MUC3A: variants seen among roughly 807,000 people sequenced by gnomAD.
MUC3A encodes the protein mucin-3A.
Under a neutral mutation model 109.0 loss-of-function variants are expected in MUC3A, and 109 were observed. The ratio of observed to expected loss-of-function variants is 1.00; its 90% CI spans 0.86 to 1.17. The LOEUF is 1.17. MUC3A is among the 50% of genes most tolerant of loss of function. The pLI is 0.00. For synonymous variants in MUC3A, 1,398 were observed against 981.4 expected (o/e 1.42, Z -7.93); for missense variants, 3,537 against 2,469.4 (o/e 1.43, Z -9.16).
intron 6 of MUC3A, 61 bp downstream of exon 6, chr7:100,964,904 C>A (rs1329847306): frequency 2.6e-6 from 4 of 1,533,928 alleles, no homozygotes; most frequent in Non-Finnish European, 3.5e-6. Context: ...CACTCCAGCT[C>A]AGCCAGGGGG....
chr7:100,963,651 G>C, intron 4 of MUC3A, 37 bp from the exon 5 acceptor site: 1 of 1,598,360 alleles, frequency 6.3e-7, no homozygotes, highest in Non-Finnish European at 8.5e-7. Context: ...CAGGTCTGCA[G>C]GTTCGGACGT....
rs74747639 is a variant in MUC3A at position 100,965,060 on chromosome 7, G to T, written c.9382+217G>T. The stretch of plus-strand genomic sequence containing the variant: ...GGAAAGAGACCCCCTGATTGTCATG[G>T]TCAGCATTTCCCGGATGGCTGAAGA... On this transcript the variant is annotated intron_variant, in intron 6 of 11. Coordinates refer to ENST00000379458, the MANE Select transcript of MUC3A (RefSeq NM_005960.2). 22 of 1,028,450 alleles carry T rather than the reference G, an allele frequency of 2.1e-5. No individual in the cohort carries two copies. In the South Asian group the frequency reaches 3.8e-4, roughly 18 times the overall value. The allele number at this position is 1,028,450 out of a possible 1,614,324, so 63.7% of individuals were successfully genotyped here.
Position 100,966,512 on chromosome 7 carries a change from C to T in MUC3A, c.9738C>T (p.Gly3246=), listed in dbSNP as rs587596181. The T allele has an allele frequency of 1.5e-6, 2 of 1,302,294 alleles. No homozygotes were observed. The highest frequency in any genetic ancestry group is 1.9e-6 in the Non-Finnish European group (2 of 1,034,894). 80.7% of individuals were successfully genotyped at this position (1,302,294 alleles called of 1,614,324 possible). ...ALLVLLLLAL[G]VRAVRSGWWG... is the part of the protein sequence containing the mutation. Reference sequence around the variant, plus strand: ...TGGTGCTGCTGCTGCTGGCGCTGGGCGTCCGGGCGGTGCGCTCCGGATGGT... The same window carrying T: ...TGGTGCTGCTGCTGCTGGCGCTGGGTGTCCGGGCGGTGCGCTCCGGATGGT... The change falls in exon 9 of 12, where the codon GGC becomes GGT. Residue 3246 remains glycine (G), a synonymous_variant. Coordinates refer to ENST00000379458, the MANE Select transcript of MUC3A (RefSeq NM_005960.2).
chr7:100,951,501 A>G (rs1428824687), intron 1 of MUC3A, among the ~76,000 whole-genome samples: 1 of 151,062 alleles, frequency 6.6e-6, no homozygotes, highest in East Asian at 1.9e-4. Flanking sequence ...GGGCAGAGGG[A>G]GGAGGAGCCT....
rs764152419 is a variant in MUC3A, at chr7:100,960,298, C to A, written c.8519C>A (p.Ser2840Tyr). Residue 2840 changes from serine to tyrosine, a missense_variant, in exon 2 of 12, where the codon TCC becomes TAC. Physicochemically the swap from Ser to Tyr is moderately radical, Grantham distance 144. Coordinates refer to ENST00000379458, the MANE Select transcript of MUC3A (RefSeq NM_005960.2). ...TCTTCCATGATGCCAGAAAGTGAGT[C>A]CAGCATCTCACCCAATGCTTCCAGT... ...DTSSMMPESESSISPNASSST... is the reference protein window; with the variant it reads ...DTSSMMPESEYSISPNASSST... 6.3e-7 allele frequency: 1 copy of A among 1,598,556 alleles called. No individual in the cohort carries two copies. The highest frequency in any genetic ancestry group is 8.5e-7 in the Non-Finnish European group (1 of 1,179,830).
In MUC3A at chr7:100,960,816, G is replaced by T. The variant is rs763537972; in HGVS notation, c.8931G>T (p.Gly2977=). ...GQCACLPGFS[G]DRCQLQTRCQ... ...GTGCTTGCCTTCCGGGGTTTTCTGG[G>T]GACCGCTGTCAGCTCCAGACCAGAT... Residue 2977 remains glycine, a synonymous_variant, in exon 3 of 12, where the codon GGG becomes GGT. Coordinates refer to ENST00000379458, the MANE Select transcript of MUC3A (RefSeq NM_005960.2). 7 of 1,598,512 alleles carry T rather than the reference G, an allele frequency of 4.4e-6. No individual in the cohort carries two copies. In the Admixed American group the frequency reaches 1.2e-4, roughly 27 times the overall value.
chr7:100,964,762 G>A lies in MUC3A; in HGVS notation c.9301G>A (p.Glu3101Lys), dbSNP rs587709071. 1.9e-5 allele frequency: 30 copies of A among 1,598,458 alleles called. No homozygotes were observed. In the East Asian group the frequency reaches 2.0e-4, roughly 11 times the overall value. ...EMPFSPQLES[E>K]YEQVKTTLKE... ...GCCCTTCAGCCCCCAGCTGGAGAGC[G>A]AGTATGAGCAGGTGAAGACCACGCT... Residue 3101 changes from glutamate to lysine, a missense_variant, in exon 6 of 12, where the codon GAG becomes AAG. By Grantham distance (56) the Glu-to-Lys change is moderately conservative. Coordinates refer to ENST00000379458, the MANE Select transcript of MUC3A (RefSeq NM_005960.2).
rs1360309561 is a variant in MUC3A at position 100,957,501 on chromosome 7, A to G, written c.5722A>G (p.Thr1908Ala). 1.4e-5 allele frequency: 21 copies of G among 1,549,548 alleles called. No homozygotes were observed. The African/African-American group carries it at 2.1e-4, about 15-fold the overall frequency. Residue 1908 changes from threonine to alanine, a missense_variant, in exon 2 of 12, where the codon ACT becomes GCT. Transcript: ENST00000379458. ...CACCTCACACAGTACTCCTAGCTTC[A>G]CTTCTTCAATCGCAACCACCGAGAC... Reference protein sequence around the residue: ...KITSHSTPSFTSSIATTETPS... With the variant: ...KITSHSTPSFASSIATTETPS...
intron 5 of MUC3A, chr7:100,964,077 G>T: frequency 2.0e-6 from 1 of 499,046 alleles, no homozygotes; most frequent in South Asian, 2.4e-5. Context: ...GAGAGAGAGA[G>T]AAAGAGAGAG....
At chr7:100,967,059 G>A (rs1479903396) in intron 11 of MUC3A, 62 bp from the exon 12 acceptor site, 2 of 1,598,366 alleles carry the variant, frequency 1.3e-6, no homozygotes, top group African/African-American at 2.7e-5. Context: ...GATCAGCAGT[G>A]ACCTCCCTGT....
rs1792229180 is a variant in MUC3A at position 100,959,278 on chromosome 7, G to C, written c.7499G>C (p.Ser2500Thr). 1 of 1,590,414 alleles carries C rather than the reference G, an allele frequency of 6.3e-7. No homozygotes were observed. ...RTLTPSSVGT[S>T]TSLTTTTDFP... ...CTCACCCCTTCGTCTGTGGGCACCA[G>C]CACTTCATTGACTACAACCACAGAC... is the stretch of plus-strand genomic sequence containing the variant. Residue 2500 changes from serine to threonine, a missense_variant, in exon 2 of 12, where the codon AGC becomes ACC. Ser to Thr is a moderately conservative substitution (Grantham distance 58). Coordinates refer to ENST00000379458, the MANE Select transcript of MUC3A (RefSeq NM_005960.2).
intron 6 of MUC3A, 139 bp from the exon 7 acceptor site, chr7:100,965,143 T>C (rs1792482807): frequency 1.2e-5 from 14 of 1,213,488 alleles, no homozygotes; most frequent in African/African-American, 7.1e-5. Flanking sequence ...TGTGGCTCTC[T>C]CCGTCTGGGA....
chr7:100,964,432 C>T (rs1276923214), intron 5 of MUC3A: 20 of 518,072 alleles, frequency 3.9e-5, no homozygotes, highest in Non-Finnish European at 1.9e-5. Context: ...TGCACTCCAG[C>T]CTGGGTGACA....
In MUC3A at chr7:100,967,553, C is replaced by T. The variant is rs1481198451; in HGVS notation, c.*391C>T. ...GTTGCCATTGCCTCTCTCGGATCCT[C>T]CAATCCTCACGTCCTTCACCTGGTC... On this transcript the variant is annotated 3_prime_UTR_variant, in exon 12 of 12. Coordinates refer to ENST00000379458, the MANE Select transcript of MUC3A (RefSeq NM_005960.2). 1.1e-5 allele frequency: 5 copies of T among 454,200 alleles called. No homozygotes were observed. The highest frequency in any genetic ancestry group is 7.9e-5 in the African/African-American group (4 of 50,910). 28.1% of individuals were successfully genotyped at this position (454,200 alleles called of 1,614,324 possible).
chr7:100,965,894 G>A (rs748433050), intron 8 of MUC3A, 28 bp downstream of exon 8: 4 of 1,570,160 alleles, frequency 2.5e-6, no homozygotes, highest in East Asian at 2.3e-5. Context: ...ATCGGCATCA[G>A]CCGAGCCCCT....
Position 100,956,637 on chromosome 7 carries a change from C to T in MUC3A, c.4858C>T (p.Gln1620Ter). The T allele has an allele frequency of 2.4e-6, 1 of 417,514 alleles. No homozygotes were observed. The highest frequency in any genetic ancestry group is 4.2e-6 in the Non-Finnish European group (1 of 239,118). 25.9% of individuals were successfully genotyped at this position (417,514 alleles called of 1,614,324 possible). The change falls in exon 2 of 12, where the codon CAG (glutamine) becomes TAG (stop). Residue 1620 changes from glutamine to a stop codon, truncating the protein, a stop_gained. Coordinates refer to ENST00000379458, the MANE Select transcript of MUC3A (RefSeq NM_005960.2). LOFTEE classifies it high-confidence loss of function. The stretch of plus-strand genomic sequence containing the variant: ...TGTCATTCCTTCATCTCCCACTGTC[C>T]AGAATACAGAAACCTCAATCTTTGT... ...TSVIPSSPTV[Q>*]NTETSIFVSM...
In MUC3A at chr7:100,958,012, C is replaced by T; in HGVS notation, c.6233C>T (p.Thr2078Ile). 2.1e-6 allele frequency: 2 copies of T among 948,526 alleles called. No homozygotes were observed. The highest frequency in any genetic ancestry group is 2.4e-5 in the East Asian group (1 of 41,988). The allele number at this position is 948,526 out of a possible 1,614,324, so 58.8% of individuals were successfully genotyped here. A position where few individuals can be genotyped will look rare whatever the true frequency, so the allele number is the denominator to read the frequency against. ...TCACACAGTACTCTCAGCTACACTA[C>T]CTCAATCACCACCACCGAGACCCCC... is the stretch of plus-strand genomic sequence containing the variant. ...ITSHSTLSYTTSITTTETPSH... is the reference protein window; with the variant it reads ...ITSHSTLSYTISITTTETPSH... Residue 2078 changes from threonine to isoleucine, a missense_variant, in exon 2 of 12, where the codon ACC (threonine) becomes ATC (isoleucine). Physicochemically the swap from Thr to Ile is moderately conservative, Grantham distance 89. Transcript: ENST00000379458.
Position 100,958,555 on chromosome 7 carries a change from C to G in MUC3A, c.6776C>G (p.Ser2259Trp). The G allele has an allele frequency of 2.2e-6, 1 of 446,306 alleles. No individual in the cohort carries two copies. Among genetic ancestry groups the G allele is most frequent in the Non-Finnish European group, 2.8e-6 (1 of 361,044 alleles). The allele number at this position is 446,306 out of a possible 1,614,324, so 27.6% of individuals were successfully genotyped here. ...TSHSTPSFTS[S>W]ITTTETTSHD... ...CACAGTACTCCCAGCTTCACTTCTT[C>G]GATCACCACCACTGAGACCACCTCA... Residue 2259 changes from serine (S) to tryptophan (W), a missense_variant, in exon 2 of 12, where the codon TCG (serine) becomes TGG (tryptophan). Physicochemically the swap from Ser to Trp is radical, Grantham distance 177 (BLOSUM62 -3). Coordinates refer to ENST00000379458, the MANE Select transcript of MUC3A (RefSeq NM_005960.2).
Position 100,967,398 on chromosome 7 carries a change from A to G in MUC3A, c.*236A>G. 1 of 650,170 alleles carries G rather than the reference A, an allele frequency of 1.5e-6. No individual in the cohort carries two copies. The highest frequency in any genetic ancestry group is 2.0e-5 in the South Asian group (1 of 50,256). The allele number at this position is 650,170 out of a possible 1,614,324, so 40.3% of individuals were successfully genotyped here. On this transcript the variant is annotated 3_prime_UTR_variant, in exon 12 of 12. Transcript: ENST00000379458. ...CTGTGGAATCTTGGGCAAGTCAGTA[A>G]CGAGCCTCAGTTTCCTCACCTGCAA...
Sources: gnomAD v4.1 joint callset for allele counts (sites outside exome capture counted in the v4.1 genomes callset) on GRCh38, gnomAD v4.1.1 for gene constraint, MANE v1.5 for transcripts, NCBI Gene and HGNC (gene_info 2026-07-23, HGNC 2026-07-21) for gene names.